KAZN: variants seen among roughly 807,000 people sequenced by gnomAD.
KAZN encodes the protein kazrin, periplakin interacting protein, also known as kazrin.
A neutral mutation model predicts 87.4 loss-of-function variants in KAZN; 40 were observed. The observed-to-expected ratio is 0.46, with a 90% CI of 0.36 to 0.60. The LOEUF is 0.60. Ranked by LOEUF, KAZN falls within the 20% of genes least tolerant of loss-of-function variation. KAZN has a pLI of 0.00. For synonymous variants in KAZN, 466 were observed against 458.3 expected (o/e 1.02, Z -0.22); for missense variants, 898 against 1,073.9 (o/e 0.84, Z 2.29).
intron 1 of KAZN, among the ~76,000 whole-genome samples, chr1:14,041,855 G>A (rs1220010978): frequency 6.6e-6 from 1 of 152,182 alleles, no homozygotes; most frequent in South Asian, 2.1e-4. Flanking sequence ...GTTTGGCTGG[G>A]TATAGAATCT....
chr1:13,970,070 C>T (rs1642083511), intron 1 of KAZN, among the ~76,000 whole-genome samples: 1 of 152,204 alleles, frequency 6.6e-6, no homozygotes, highest in African/African-American at 2.4e-5. Flanking sequence ...ACTAAATGCA[C>T]TAACATTCCT....
At chr1:14,749,876 T>G (rs78195317) in intron 1 of KAZN, among the ~76,000 whole-genome samples, 2 of 152,110 alleles carry the variant, frequency 1.3e-5, no homozygotes, top group Non-Finnish European at 2.9e-5. Flanking sequence ...AATGCCTCCT[T>G]CTTCATGCCT....
chr1:13,908,522 C>T (rs1230093085), intron 1 of KAZN, among the ~76,000 whole-genome samples: 1 of 152,208 alleles, frequency 6.6e-6, no homozygotes, highest in African/African-American at 2.4e-5. Context: ...CCCTGGTTGT[C>T]CCCAGTTTAA....
chr1:14,014,781 C>G (rs557598033), intron 1 of KAZN, among the ~76,000 whole-genome samples: 1 of 152,034 alleles, frequency 6.6e-6, no homozygotes, highest in South Asian at 2.1e-4. Context: ...AAAGTGGAGC[C>G]CTGTTTAAAA....
intron 1 of KAZN, among the ~76,000 whole-genome samples, chr1:14,651,277 T>C (rs1279739518): frequency 1.3e-5 from 2 of 152,216 alleles, no homozygotes; most frequent in East Asian, 1.9e-4. Context: ...TTTAGACTTA[T>C]TTTGATGGCA....
chr1:15,044,270 G>GGGGGGGGGGGGGGGGGCCCC, intron 4 of KAZN, 111 bp downstream of exon 4: 1 of 413,334 alleles, frequency 2.4e-6, no homozygotes, highest in East Asian at 9.1e-5. Flanking sequence ...GGTGGGTGGG[G>GGGGGGGGGGGGGGGGGCCCC]CAGAGCAGAA....
intron 2 of KAZN, among the ~76,000 whole-genome samples, chr1:14,196,132 A>G (rs1557552443): frequency 6.6e-6 from 1 of 152,170 alleles, no homozygotes; most frequent in Non-Finnish European, 1.5e-5. Flanking sequence ...TTTGAGGAAC[A>G]ACCAAGAGAC....
chr1:14,548,505 C>T (rs1673314443), intron 2 of KAZN, among the ~76,000 whole-genome samples: 1 of 152,178 alleles, frequency 6.6e-6, no homozygotes, highest in African/African-American at 2.4e-5. Context: ...AGCCTCCACG[C>T]ATTTCTTTAT....
intron 2 of KAZN, among the ~76,000 whole-genome samples, chr1:14,587,947 T>C (rs140249913): frequency 0.011 from 1,606 of 152,208 alleles, 29 homozygotes; most frequent in African/African-American, 0.037. Context: ...GTAGCACCCA[T>C]GTTGCGTTTG....
At chr1:14,222,716 C>G (rs966264098) in intron 2 of KAZN, among the ~76,000 whole-genome samples, 1 of 152,158 alleles carries the variant, frequency 6.6e-6, no homozygotes, top group African/African-American at 2.4e-5. Flanking sequence ...ACAGATCTCC[C>G]AAGAGGGATG....
At chr1:14,141,974 A>C (rs546847816) in intron 1 of KAZN, among the ~76,000 whole-genome samples, 1 of 152,020 alleles carries the variant, frequency 6.6e-6, no homozygotes, top group African/African-American at 2.4e-5. Context: ...TTTTCCCCTC[A>C]TTATTTGTTC....
chr1:15,044,270 G>GGGCCC, intron 4 of KAZN, 111 bp downstream of exon 4: 1 of 413,328 alleles, frequency 2.4e-6, no homozygotes, highest in East Asian at 9.1e-5. Flanking sequence ...GGTGGGTGGG[G>GGGCCC]CAGAGCAGAA....
chr1:14,050,912 A>C (rs1570618076), intron 1 of KAZN, among the ~76,000 whole-genome samples: 1 of 152,242 alleles, frequency 6.6e-6, no homozygotes, highest in East Asian at 1.9e-4. Flanking sequence ...TATTATGACA[A>C]ACAAGCATCA....
In KAZN at chr1:14,481,766, G is replaced by A. The variant is rs536936679; in HGVS notation, c.250-117217G>A. Among the ~76,000 whole-genome samples, 6 of 152,312 alleles carry A rather than the reference G, an allele frequency of 3.9e-5. No homozygotes were observed. In the East Asian group the frequency reaches 1.2e-3, roughly 29 times the overall value. The stretch of plus-strand genomic sequence containing the variant: ...CCGAGAGAGAGATTGTGGAGAGGTG[G>A]AAGTGGCATGCTTAAAAGCGTAAGA... On this transcript the variant is annotated intron_variant, in intron 2 of 16. Transcript: ENST00000636203.
At chr1:14,727,158 A>G (rs1236855668) in intron 1 of KAZN, among the ~76,000 whole-genome samples, 1 of 152,014 alleles carries the variant, frequency 6.6e-6, no homozygotes, top group Non-Finnish European at 1.5e-5. Context: ...TTTTCCCCGA[A>G]AAAGTGTTTT....
chr1:14,482,680 G>A (rs1469146070), intron 2 of KAZN, among the ~76,000 whole-genome samples: 2 of 152,146 alleles, frequency 1.3e-5, no homozygotes, highest in Non-Finnish European at 2.9e-5. Flanking sequence ...CGGGTGAGGG[G>A]TCTTTATGGA....
chr1:14,765,780 A>G (rs2100568672), intron 1 of KAZN, among the ~76,000 whole-genome samples: 1 of 152,262 alleles, frequency 6.6e-6, no homozygotes, highest in African/African-American at 2.4e-5. Flanking sequence ...TGACAGGAAC[A>G]ACCCAGGAGA....
intron 2 of KAZN, among the ~76,000 whole-genome samples, chr1:14,418,168 G>C (rs79393545): frequency 6.6e-6 from 1 of 151,836 alleles, no homozygotes; most frequent in Non-Finnish European, 1.5e-5. Flanking sequence ...CTAAGAATAA[G>C]AACCTTAGAT....
intron 2 of KAZN, among the ~76,000 whole-genome samples, chr1:14,215,686 A>G (rs144024983): frequency 1.8e-4 from 27 of 152,268 alleles, no homozygotes; most frequent in African/African-American, 5.8e-4. Flanking sequence ...CTTTTCAGGT[A>G]AAGAAACTGA....
Sources: allele counts gnomAD v4.1 joint callset (sites outside exome capture counted in the v4.1 genomes callset), GRCh38; gene constraint gnomAD v4.1.1; transcripts MANE v1.5; gene names NCBI Gene and HGNC (gene_info 2026-07-23, HGNC 2026-07-21).